Variants in RPA3 observed in about 807,000 individuals in gnomAD.
RPA3 encodes the protein replication protein A 14 kDa subunit.
A neutral mutation model predicts 13.7 loss-of-function variants in RPA3; 24 were observed. The ratio of observed to expected loss-of-function variants is 1.75; its 90% CI spans 1.27 to 2.46. The LOEUF (loss-of-function observed/expected upper bound fraction) is 2.46. RPA3 is among the 30% of genes most tolerant of loss of function. RPA3 has a pLI of 0.00. For synonymous variants in RPA3, 59 were observed against 51.2 expected, an observed-to-expected ratio of 1.15 and a Z score of -0.65; for missense variants, 183 against 151.0, an observed-to-expected ratio of 1.21 and a Z score of -1.11.
intron 5 of RPA3, 161 bp downstream of exon 5, chr7:7,640,159 C>G: frequency 1.4e-6 from 1 of 723,414 alleles, no homozygotes; most frequent in Non-Finnish European, 2.4e-6. Flanking sequence ...CAAAATGGGG[C>G]TACAACGGCT....
chr7:7,712,687 T>C (rs1780796596), intron 2 of RPA3, among the ~76,000 whole-genome samples: 1 of 152,230 alleles, frequency 6.6e-6, no homozygotes, highest in Admixed American at 6.5e-5. Flanking sequence ...TCTTACTGCA[T>C]GGTCTAGGAC....
At chr7:7,715,500 A>G (rs891306806) in intron 1 of RPA3, among the ~76,000 whole-genome samples, 1 of 152,184 alleles carries the variant, frequency 6.6e-6, no homozygotes, top group African/African-American at 2.4e-5. Context: ...ATAAACATTC[A>G]TGCATTCCGA....
chr7:7,646,834 C>T (rs1785106786), intron 4 of RPA3, among the ~76,000 whole-genome samples: 1 of 152,112 alleles, frequency 6.6e-6, no homozygotes, highest in South Asian at 2.1e-4. Context: ...CTCTGCCACT[C>T]TTCTGCTCAT....
At chr7:7,652,298 C>G (rs995684849) in intron 4 of RPA3, among the ~76,000 whole-genome samples, 3 of 152,134 alleles carry the variant, frequency 2.0e-5, no homozygotes, top group Middle Eastern at 3.2e-3. Context: ...TTGGTCAATA[C>G]CCATTGATCA....
At chr7:7,703,213 C>T (rs1780512104) in intron 2 of RPA3, among the ~76,000 whole-genome samples, 1 of 152,132 alleles carries the variant, frequency 6.6e-6, no homozygotes, top group African/African-American at 2.4e-5. Flanking sequence ...TGTTTGTACT[C>T]TTTTTTGCTG....
At chr7:7,662,481 G>A (rs1785499645) in intron 4 of RPA3, among the ~76,000 whole-genome samples, 1 of 152,178 alleles carries the variant, frequency 6.6e-6, no homozygotes. Flanking sequence ...TGTGGGTTGC[G>A]AAGACCGTGG....
chr7:7,700,282 C>T (rs1368230398), intron 2 of RPA3, among the ~76,000 whole-genome samples: 1 of 152,134 alleles, frequency 6.6e-6, no homozygotes, highest in Non-Finnish European at 1.5e-5. Flanking sequence ...TATTTTATTC[C>T]ATTCATGTGT....
At chr7:7,688,735 T>C (rs1277507602) in intron 2 of RPA3, among the ~76,000 whole-genome samples, 1 of 152,234 alleles carries the variant, frequency 6.6e-6, no homozygotes, top group Admixed American at 6.5e-5. Context: ...GCCAATTATG[T>C]TGTAACCTCC....
intron 4 of RPA3, among the ~76,000 whole-genome samples, chr7:7,673,710 C>CT (rs1563108705): frequency 1.5e-5 from 2 of 132,504 alleles, no homozygotes; most frequent in African/African-American, 5.1e-5. Flanking sequence ...TTTTTCCCCC[C>CT]CTTTTTTTTT....
chr7:7,653,590 A>AG (rs1785275661), intron 4 of RPA3, among the ~76,000 whole-genome samples: 1 of 152,226 alleles, frequency 6.6e-6, no homozygotes, highest in South Asian at 2.1e-4. Flanking sequence ...GAGGAGTTAC[A>AG]ACACATTTTT....
At chr7:7,663,793 G>A (rs2115094428) in intron 4 of RPA3, among the ~76,000 whole-genome samples, 1 of 152,214 alleles carries the variant, frequency 6.6e-6, no homozygotes, top group South Asian at 2.1e-4. Context: ...TTTACCAGAA[G>A]CATTTTTATG....
chr7:7,714,078 G>A (rs554616164), intron 2 of RPA3, among the ~76,000 whole-genome samples: 1 of 152,296 alleles, frequency 6.6e-6, no homozygotes, highest in East Asian at 1.9e-4. Flanking sequence ...GAGTTTTTTT[G>A]TGTGTTATCT....
intron 4 of RPA3, among the ~76,000 whole-genome samples, chr7:7,667,743 A>G (rs2115100466): frequency 6.6e-6 from 1 of 152,320 alleles, no homozygotes; most frequent in Admixed American, 6.5e-5. Flanking sequence ...TTTGACTAAC[A>G]TTGAGAAATA....
intron 4 of RPA3, among the ~76,000 whole-genome samples, chr7:7,644,354 C>CTTTT (rs35141799): frequency 7.0e-6 from 1 of 141,896 alleles, no homozygotes; most frequent in Non-Finnish European, 1.5e-5. Context: ...TCATTCCATC[C>CTTTT]TTTTTTTTTT....
At chr7:7,680,729 AT>A (rs1248290725) in intron 4 of RPA3, among the ~76,000 whole-genome samples, 1 of 151,724 alleles carries the variant, frequency 6.6e-6, no homozygotes, top group Non-Finnish European at 1.5e-5. Flanking sequence ...TTTCATCAGT[AT>A]TTTATAATTT....
chr7:7,688,995 A>G (rs1050133171), intron 2 of RPA3, among the ~76,000 whole-genome samples: 2 of 152,198 alleles, frequency 1.3e-5, no homozygotes, highest in African/African-American at 4.8e-5. Context: ...GCAAATTAGT[A>G]AGCATTCAGA....
chr7:7,661,296 C>T (rs1785468194), intron 4 of RPA3, among the ~76,000 whole-genome samples: 1 of 152,114 alleles, frequency 6.6e-6, no homozygotes, highest in Non-Finnish European at 1.5e-5. Flanking sequence ...TGTTATTACC[C>T]ATCTCTGAAG....
intron 4 of RPA3, among the ~76,000 whole-genome samples, chr7:7,656,171 ACTT>A (rs1182915954): frequency 2.6e-5 from 4 of 152,086 alleles, no homozygotes; most frequent in Middle Eastern, 6.3e-3. Flanking sequence ...TACCGCCACT[ACTT>A]TTATTCTTCT....
rs970156316 is a variant in RPA3 at position 7,640,554 on chromosome 7, G to A, written c.-136C>T. The A allele has an allele frequency of 1.2e-5, 9 of 771,180 alleles. No individual in the cohort carries two copies. Among genetic ancestry groups the A allele is most frequent in the African/African-American group, 1.7e-5 (1 of 57,758 alleles). The allele number at this position is 771,180 out of a possible 1,614,324, so 47.8% of individuals were successfully genotyped here. On this transcript the variant is annotated 5_prime_UTR_variant, in exon 5 of 8. Transcript: ENST00000223129. ...CTCCAGCTTCGCCAATTAAATGCGC[G>A]GAAACCTAAATCGCAATCGCGCTGT...
Sources: gnomAD v4.1 joint callset for allele counts (sites outside exome capture counted in the v4.1 genomes callset) on GRCh38, gnomAD v4.1.1 for gene constraint, MANE v1.5 for transcripts, NCBI Gene and HGNC (gene_info 2026-07-23, HGNC 2026-07-21) for gene names.